GTF2A1L: variants seen among roughly 807,000 people sequenced by gnomAD.
GTF2A1L encodes TFIIA-alpha and beta-like factor.
Under a neutral mutation model 49.7 loss-of-function variants are expected in GTF2A1L, and 48 were observed. The ratio of observed to expected loss-of-function variants is 0.97; its 90% confidence interval spans 0.77 to 1.23. The LOEUF is 1.23. Ranked by LOEUF, GTF2A1L falls within the 50% of genes most tolerant of loss-of-function variation. The probability of loss-of-function intolerance (pLI) is 0.00; values close to 1 mark genes in which losing one functional copy is unlikely to be tolerated. For synonymous variants in GTF2A1L, 246 were observed against 193.5 expected, an observed-to-expected ratio of 1.27 and a Z score of -2.25; for missense variants, 736 against 564.8, an observed-to-expected ratio of 1.30 and a Z score of -3.07.
In GTF2A1L at chr2:48,629,566, G is replaced by A. The variant is rs552303315; in HGVS notation, c.247+8276G>A. Reference sequence around the variant, plus strand: ...CTGTTTGTCTCAAGATTAGCCCCTAGAACTTCTAACTAGGCACATAATTAG... The same window carrying A: ...CTGTTTGTCTCAAGATTAGCCCCTAAAACTTCTAACTAGGCACATAATTAG... On this transcript the variant is annotated intron_variant, in intron 3 of 8. Coordinates refer to ENST00000403751, the MANE Select transcript of GTF2A1L (RefSeq NM_006872.5). 4.5e-4 allele frequency among the ~76,000 whole-genome samples: 65 copies of A among 143,562 alleles called. 7 individuals carry two copies. Among genetic ancestry groups the A allele is most frequent in the African/African-American group, 1.5e-3 (61 of 40,516 alleles). 94.2% of individuals were successfully genotyped at this position (143,562 alleles called of 152,430 possible). A position where few individuals can be genotyped will look rare whatever the true frequency, so the allele number is the denominator to read the frequency against.
At position 48,646,750 on chromosome 2, in the gene GTF2A1L, C is replaced by G; in HGVS notation, c.686C>G (p.Pro229Arg). ...CCTGGAAATGAGCATAAAATCGTGC[C>G]TGAAGCTTTGTTGTGTCATCAGGAA... ...VSPGNEHKIV[P>R]EALLCHQESS... The change falls in exon 6 of 9, where the codon CCT (proline) becomes CGT (arginine). Residue 229 changes from proline to arginine, a missense_variant. Transcript: ENST00000403751. The G allele has an allele frequency of 6.2e-7, 1 of 1,614,190 alleles. No individual in the cohort carries two copies. Among genetic ancestry groups the G allele is most frequent in the African/African-American group, 1.3e-5 (1 of 75,036 alleles).
intron 3 of GTF2A1L, among the ~76,000 whole-genome samples, chr2:48,625,110 A>G (rs1676228125): frequency 1.4e-5 from 2 of 143,966 alleles, no homozygotes; most frequent in African/African-American, 4.9e-5. Context: ...TGGTAATTCT[A>G]TTTTTAATTT....
At chr2:48,655,676 A>T (rs983554158) in intron 6 of GTF2A1L, among the ~76,000 whole-genome samples, 3 of 152,184 alleles carry the variant, frequency 2.0e-5, no homozygotes, top group African/African-American at 7.2e-5. Context: ...TCCTGTGCTA[A>T]AGTACACATA....
intron 3 of GTF2A1L, among the ~76,000 whole-genome samples, chr2:48,623,585 G>C (rs1409945239): frequency 3.9e-5 from 6 of 152,124 alleles, no homozygotes; most frequent in Non-Finnish European, 7.4e-5. Context: ...AAGAAAATAA[G>C]TTGTTCTAAC....
intron 3 of GTF2A1L, among the ~76,000 whole-genome samples, chr2:48,636,172 G>A (rs1285040625): frequency 2.0e-5 from 3 of 152,042 alleles, no homozygotes; most frequent in African/African-American, 7.2e-5. Flanking sequence ...TTTCCAAATG[G>A]TGGAGGCCTG....
intron 6 of GTF2A1L, among the ~76,000 whole-genome samples, chr2:48,649,953 A>G (rs972139557): frequency 6.6e-6 from 1 of 151,946 alleles, no homozygotes; most frequent in African/African-American, 2.4e-5. Flanking sequence ...TATCCCCTCT[A>G]TTTGATGCCT....
intron 6 of GTF2A1L, among the ~76,000 whole-genome samples, chr2:48,663,456 A>C (rs1489192309): frequency 6.6e-6 from 1 of 152,114 alleles, no homozygotes; most frequent in East Asian, 1.9e-4. Flanking sequence ...AATCAATCTC[A>C]ATCAATCAAA....
At chr2:48,659,609 G>T (rs779609877) in intron 6 of GTF2A1L, among the ~76,000 whole-genome samples, 9 of 151,640 alleles carry the variant, frequency 5.9e-5, no homozygotes, top group Non-Finnish European at 1.0e-4. Context: ...ATGAACTTGG[G>T]GTGTCTTTCC....
At chr2:48,661,247 C>CTT (rs70946820) in intron 6 of GTF2A1L, among the ~76,000 whole-genome samples, 8,800 of 62,590 alleles carry the variant, frequency 0.14, 2,727 homozygotes, top group East Asian at 0.4. Context: ...CATCCCCAAA[C>CTT]TTTTTTTTTT....
In GTF2A1L at chr2:48,669,069, A is replaced by G. The variant is rs116744170; in HGVS notation, c.979-653A>G. ...CCATTTTACCCATTTTTAGGTGTAC[A>G]TTTCAGTGGTACTAAGTACATTCAC... On this transcript the variant is annotated intron_variant, in intron 6 of 8. Transcript: ENST00000403751. Among the ~76,000 whole-genome samples the G allele has an allele frequency of 7.5e-3, 1,145 of 152,158 alleles. 26 individuals carry two copies. Among genetic ancestry groups the G allele is most frequent in the African/African-American group, 0.025 (1,040 of 41,504 alleles).
At chr2:48,663,436 A>G (rs1053990026) in intron 6 of GTF2A1L, among the ~76,000 whole-genome samples, 26 of 152,142 alleles carry the variant, frequency 1.7e-4, no homozygotes, top group Non-Finnish European at 7.3e-5. Flanking sequence ...ACCCTATCTC[A>G]ATCAATCTGA....
At chr2:48,647,175 C>A (rs1677567053) in intron 6 of GTF2A1L, 133 bp downstream of exon 6, 1 of 876,606 alleles carries the variant, frequency 1.1e-6, no homozygotes, top group Middle Eastern at 3.7e-4. Context: ...AAGATTATTT[C>A]TTTTTTCTAG....
At chr2:48,676,445 A>G (rs1229200286) in intron 8 of GTF2A1L, among the ~76,000 whole-genome samples, 1 of 151,866 alleles carries the variant, frequency 6.6e-6, no homozygotes. Context: ...CCATTGTGAA[A>G]GATGAAAAGT....
intron 6 of GTF2A1L, among the ~76,000 whole-genome samples, chr2:48,655,430 C>G (rs80183578): frequency 0.047 from 7,170 of 152,084 alleles, 555 homozygotes; most frequent in African/African-American, 0.16. Flanking sequence ...GCCTCAAGCA[C>G]TTGTCTCACT....
chr2:48,671,661 TTGTC>T lies in GTF2A1L; in HGVS notation c.1315_1318del (p.Cys439SerfsTer16). 2 of 1,613,340 alleles carry T rather than the reference TTGTC, an allele frequency of 1.2e-6. No homozygotes were observed. Among genetic ancestry groups the T allele is most frequent in the Non-Finnish European group, 1.7e-6 (2 of 1,179,556 alleles). ...GACCTGTTTGACACGGATAATGTTA[TTGTC>T]TGTCAGTATGATAAGGTACTGTATT... On this transcript the variant is annotated frameshift_variant, in exon 8 of 9. Transcript: ENST00000403751. LOFTEE classifies it high-confidence loss of function.
intron 3 of GTF2A1L, 136 bp downstream of exon 3, chr2:48,621,426 C>A: frequency 8.0e-7 from 1 of 1,243,320 alleles, no homozygotes; most frequent in Non-Finnish European, 1.1e-6. Context: ...ATTAAATGAA[C>A]ACAGTATAAA....
rs769512903 is a variant in GTF2A1L, at chr2:48,679,418, A to G, written c.1413A>G (p.Lys471=). 1 of 1,612,608 alleles carries G rather than the reference A, an allele frequency of 6.2e-7. No homozygotes were observed. Among genetic ancestry groups the G allele is most frequent in the Non-Finnish European group, 8.5e-7 (1 of 1,179,048 alleles). Residue 471 remains lysine, a synonymous_variant, in exon 9 of 9, where the codon AAA becomes AAG. Coordinates refer to ENST00000403751, the MANE Select transcript of GTF2A1L (RefSeq NM_006872.5). ...CFGGRDYVFA[K]AIGDAEW ...GAGGGAGAGACTATGTATTTGCAAA[A>G]GCCATTGGTGATGCAGAGTGGTAAA...
At chr2:48,659,650 A>G (rs548815342) in intron 6 of GTF2A1L, among the ~76,000 whole-genome samples, 2 of 151,790 alleles carry the variant, frequency 1.3e-5, no homozygotes, top group Admixed American at 6.6e-5. Flanking sequence ...TCTTTCAGCA[A>G]TTTTTGTTGT....
chr2:48,655,395 T>C (rs1678114886), intron 6 of GTF2A1L, among the ~76,000 whole-genome samples: 5 of 152,102 alleles, frequency 3.3e-5, no homozygotes, highest in Admixed American at 3.3e-4. Flanking sequence ...CTCACTGTGT[T>C]ATCCAGGTTT....
Sources: allele counts gnomAD v4.1 joint callset (sites outside exome capture counted in the v4.1 genomes callset), GRCh38; gene constraint gnomAD v4.1.1; transcripts MANE v1.5; gene names NCBI Gene and HGNC (gene_info 2026-07-23, HGNC 2026-07-21).